The following RPS6KA2 variants were observed in gnomAD, a reference collection of about 807,000 sequenced individuals.
RPS6KA2 encodes the protein ribosomal protein S6 kinase A2.
Under a neutral mutation model 91.8 loss-of-function variants are expected in RPS6KA2, and 42 were observed. That is an observed-to-expected ratio of 0.46 (90% CI 0.36 to 0.59). The LOEUF (loss-of-function observed/expected upper bound fraction) is 0.59, where lower values mean the gene tolerates loss of function less well. RPS6KA2 is among the 20% of genes least tolerant of loss of function. The probability of loss-of-function intolerance (pLI) is 0.00; values close to 1 mark genes in which losing one functional copy is unlikely to be tolerated. For synonymous variants in RPS6KA2, 414 were observed against 393.6 expected (o/e 1.05, Z -0.61); for missense variants, 798 against 978.5 (o/e 0.82, Z 2.46).
intron 10 of RPS6KA2, among the ~76,000 whole-genome samples, chr6:166,479,950 T>A (rs1781129742): frequency 6.6e-6 from 1 of 152,218 alleles, no homozygotes; most frequent in Non-Finnish European, 1.5e-5. Context: ...ATGGCCTCAC[T>A]CTTCAGTACT....
chr6:166,475,956 G>A, intron 10 of RPS6KA2: 1 of 397,360 alleles, frequency 2.5e-6, no homozygotes, highest in East Asian at 6.3e-5. Flanking sequence ...TCTGGGAGGG[G>A]TCAACTCCCC....
At chr6:166,627,837 T>G (rs1293795805), upstream of RPS6KA2, 1 of 152,234 alleles carries the variant, frequency 6.6e-6, no homozygotes, top group South Asian at 2.1e-4. Context: ...GAACCAAACT[T>G]TAATTGTTGA....
At chr6:166,838,848 C>T (rs778282220) in intron 2 of RPS6KA2, among the ~76,000 whole-genome samples, 1 of 137,754 alleles carries the variant, frequency 7.3e-6, no homozygotes, top group Non-Finnish European at 1.5e-5. Context: ...GGAGGACCAC[C>T]CTGGATTTTC....
intron 1 of RPS6KA2, among the ~76,000 whole-genome samples, chr6:166,548,932 T>A (rs566850583): frequency 6.6e-6 from 1 of 152,316 alleles, no homozygotes; most frequent in East Asian, 1.9e-4. Flanking sequence ...AAACCACACA[T>A]CCAACAAAGG....
chr6:166,573,311 G>A (rs575045599), intron 1 of RPS6KA2, among the ~76,000 whole-genome samples: 33 of 152,340 alleles, frequency 2.2e-4, no homozygotes, highest in Admixed American at 1.8e-3. Flanking sequence ...ATTCAGGGAC[G>A]GGCAGCACCC....
At chr6:166,523,545 T>C (rs913229875) in intron 3 of RPS6KA2, among the ~76,000 whole-genome samples, 1 of 152,128 alleles carries the variant, frequency 6.6e-6, no homozygotes, top group Non-Finnish European at 1.5e-5. Context: ...AGTTTCATCA[T>C]TCGTAAATAA....
intron 10 of RPS6KA2, among the ~76,000 whole-genome samples, chr6:166,470,333 C>CGG (rs1195899013): frequency 6.6e-6 from 1 of 152,144 alleles, no homozygotes; most frequent in Non-Finnish European, 1.5e-5. Flanking sequence ...GCAGTTAACC[C>CGG]GGGAGGGAAG....
At chr6:166,589,921 A>G (rs1305418578) in intron 1 of RPS6KA2, among the ~76,000 whole-genome samples, 2 of 152,178 alleles carry the variant, frequency 1.3e-5, no homozygotes, top group Non-Finnish European at 2.9e-5. Flanking sequence ...CCACCAACCC[A>G]ACAAATGAGG....
At chr6:166,625,331 ACCCCCC>A (rs10583661) in intron 1 of RPS6KA2, among the ~76,000 whole-genome samples, 1 of 52,564 alleles carries the variant, frequency 1.9e-5, no homozygotes, top group African/African-American at 7.6e-5. Flanking sequence ...CCACCCCCCC[ACCCCCC>A]CCCCCGCTTG....
intron 2 of RPS6KA2, among the ~76,000 whole-genome samples, chr6:166,856,894 T>C (rs1010092093): frequency 1.3e-5 from 2 of 152,216 alleles, no homozygotes; most frequent in African/African-American, 2.4e-5. Context: ...CTATCTACTT[T>C]TCCAGGGGAT....
At chr6:166,762,471 C>T (rs552944485) in intron 2 of RPS6KA2, among the ~76,000 whole-genome samples, 307 of 152,262 alleles carry the variant, frequency 2.0e-3, no homozygotes, top group Middle Eastern at 3.4e-3. Flanking sequence ...TAGTCCCTGG[C>T]ACATGGAGTG....
rs1398889414 is a variant in RPS6KA2, at chr6:166,563,290, G to A, written c.100-24506C>T. 1.3e-5 allele frequency among the ~76,000 whole-genome samples: 2 copies of A among 152,188 alleles called. No individual in the cohort carries two copies. Among genetic ancestry groups the A allele is most frequent in the Non-Finnish European group, 2.9e-5 (2 of 68,028 alleles). On this transcript the variant is annotated intron_variant, in intron 1 of 20. Coordinates refer to ENST00000265678, the MANE Select transcript of RPS6KA2 (RefSeq NM_021135.6). The surrounding 1 kb of genome is among the most constrained non-coding windows in gnomAD (Gnocchi z 4.1). ...GGGTGGAGCTGGGAGAGGCCCCAGC[G>A]GGAAGCACTCGGAGGAGCGGGGGCC...
rs562855374 is a variant in RPS6KA2, at chr6:166,612,262, G to A, written c.99+14659C>T. ...CAGGGGAGTCAAGCCCCTTGACGAG[G>A]TGTGTGATGTGGGCAGGTGTGATGG... is the stretch of plus-strand genomic sequence containing the variant. On this transcript the variant is annotated intron_variant, in intron 1 of 20. Transcript: ENST00000265678. The surrounding 1 kb of genome is among the most constrained non-coding windows in gnomAD (Gnocchi z 4.3). 7.5e-4 allele frequency among the ~76,000 whole-genome samples: 114 copies of A among 152,266 alleles called. No homozygotes were observed. Among genetic ancestry groups the A allele is most frequent in the South Asian group, 6.2e-3 (30 of 4,822 alleles).
chr6:166,456,493 A>C (rs1028583752), intron 12 of RPS6KA2, among the ~76,000 whole-genome samples: 4 of 152,178 alleles, frequency 2.6e-5, no homozygotes, highest in African/African-American at 9.7e-5. Context: ...AAAATCTTAG[A>C]TTGGCATCTC....
intron 3 of RPS6KA2, among the ~76,000 whole-genome samples, chr6:166,514,404 C>T (rs1456368696): frequency 6.6e-6 from 1 of 152,200 alleles, no homozygotes; most frequent in African/African-American, 2.4e-5. Context: ...GAACTGGAAA[C>T]AGCCTGGGAG....
chr6:166,709,439 G>GCAA (rs1225553886), intron 2 of RPS6KA2, among the ~76,000 whole-genome samples: 3 of 152,112 alleles, frequency 2.0e-5, no homozygotes, highest in Non-Finnish European at 4.4e-5. Flanking sequence ...GCTAGCCTGT[G>GCAA]CAACATAGTG....
chr6:166,758,535 G>A (rs920926005), intron 2 of RPS6KA2, among the ~76,000 whole-genome samples: 1 of 152,028 alleles, frequency 6.6e-6, no homozygotes, highest in Non-Finnish European at 1.5e-5. Context: ...GGCAGGTTCA[G>A]AGTCAGACCC....
chr6:166,487,462 G>A (rs1472822134), intron 10 of RPS6KA2, among the ~76,000 whole-genome samples: 2 of 152,180 alleles, frequency 1.3e-5, no homozygotes, highest in African/African-American at 4.8e-5. Flanking sequence ...GTGTTGTGTG[G>A]AAGAATGAAA....
chr6:166,506,760 G>A (rs1782242290), intron 5 of RPS6KA2, among the ~76,000 whole-genome samples: 1 of 152,114 alleles, frequency 6.6e-6, no homozygotes, highest in South Asian at 2.1e-4. Context: ...AGACAGCGGG[G>A]TCTCCTGCTG....
Sources: allele counts gnomAD v4.1 joint callset (sites outside exome capture counted in the v4.1 genomes callset), GRCh38; gene constraint gnomAD v4.1.1; non-coding constraint Gnocchi (gnomAD v3.1); transcripts MANE v1.5; gene names NCBI Gene and HGNC (gene_info 2026-07-23, HGNC 2026-07-21).